CSMD1: variants seen among roughly 807,000 people sequenced by gnomAD.
CSMD1 encodes the protein CUB and sushi domain-containing protein 1.
CSMD1 carries 213 observed loss-of-function variants against 417.5 expected under a neutral mutation model. The ratio of observed to expected loss-of-function variants is 0.51; its 90% CI spans 0.46 to 0.57. CSMD1 has a LOEUF of 0.57. CSMD1 is among the 20% of genes least tolerant of loss of function. CSMD1 has a pLI of 0.00. For synonymous variants in CSMD1, 2,862 were observed against 1,736.8 expected (o/e 1.65, Z -16.11); for missense variants, 6,923 against 4,529.7 (o/e 1.53, Z -15.17).
intron 1 of CSMD1, among the ~76,000 whole-genome samples, chr8:4,754,032 A>C (rs1010760653): frequency 1.3e-5 from 2 of 152,218 alleles, no homozygotes; most frequent in African/African-American, 4.8e-5. Context: ...GAAGGTTGTT[A>C]ACATTGACAT....
At chr8:3,602,782 C>T (rs1801425283) in intron 8 of CSMD1, among the ~76,000 whole-genome samples, 1 of 151,562 alleles carries the variant, frequency 6.6e-6, no homozygotes, top group Admixed American at 6.6e-5. Context: ...TTTTGAAGAG[C>T]ATTTATATTC....
At chr8:4,648,166 G>C (rs780852683) in intron 1 of CSMD1, among the ~76,000 whole-genome samples, 2 of 152,220 alleles carry the variant, frequency 1.3e-5, no homozygotes, top group African/African-American at 4.8e-5. Context: ...CTGATTATCA[G>C]TGATGTTGAG....
At chr8:3,131,015 TC>T (rs1483463323) in intron 41 of CSMD1, among the ~76,000 whole-genome samples, 1 of 152,236 alleles carries the variant, frequency 6.6e-6, no homozygotes, top group Non-Finnish European at 1.5e-5. Flanking sequence ...CTTACGGTCC[TC>T]CAGCGTTCAT....
chr8:3,706,720 A>C (rs1261962667), intron 7 of CSMD1, among the ~76,000 whole-genome samples: 1 of 152,064 alleles, frequency 6.6e-6, no homozygotes, highest in Non-Finnish European at 1.5e-5. Context: ...ATGTGGTTCT[A>C]CATTGAACTT....
intron 5 of CSMD1, among the ~76,000 whole-genome samples, chr8:3,864,024 G>A (rs1391316254): frequency 6.6e-6 from 1 of 152,018 alleles, no homozygotes; most frequent in Non-Finnish European, 1.5e-5. Flanking sequence ...ACAGTAAACA[G>A]GTTTGCAAAT....
chr8:4,012,381 G>A (rs184340540), intron 4 of CSMD1, among the ~76,000 whole-genome samples: 1 of 152,040 alleles, frequency 6.6e-6, no homozygotes, highest in East Asian at 1.9e-4. Context: ...TCATTGCCTT[G>A]TTGATCTCAT....
At chr8:3,522,544 G>C (rs764952098) in intron 10 of CSMD1, among the ~76,000 whole-genome samples, 4 of 152,092 alleles carry the variant, frequency 2.6e-5, no homozygotes, top group African/African-American at 7.2e-5. Context: ...TGAGTTATAA[G>C]TACTTTATGA....
At chr8:4,108,306 T>G (rs910007325) in intron 3 of CSMD1, among the ~76,000 whole-genome samples, 1 of 152,208 alleles carries the variant, frequency 6.6e-6, no homozygotes, top group Non-Finnish European at 1.5e-5. Flanking sequence ...TAAACTCATA[T>G]GACAATTGTA....
chr8:3,564,231 A>G (rs887822395), intron 10 of CSMD1, among the ~76,000 whole-genome samples: 2 of 152,200 alleles, frequency 1.3e-5, no homozygotes, highest in African/African-American at 4.8e-5. Flanking sequence ...ACTATTGAAT[A>G]CTAGAATTTT....
At chr8:4,232,244 G>A (rs1003507535) in intron 3 of CSMD1, among the ~76,000 whole-genome samples, 4 of 151,992 alleles carry the variant, frequency 2.6e-5, no homozygotes, top group Admixed American at 1.3e-4. Flanking sequence ...CAGTCACCAG[G>A]CTGTAGTGCA....
At chr8:4,832,794 C>A (rs950854854) in intron 1 of CSMD1, among the ~76,000 whole-genome samples, 9 of 152,038 alleles carry the variant, frequency 5.9e-5, no homozygotes, top group African/African-American at 2.2e-4. Flanking sequence ...CCCAGAGAGC[C>A]GAGACATTCA....
intron 11 of CSMD1, among the ~76,000 whole-genome samples, chr8:3,489,834 C>A (rs1024451937): frequency 6.6e-6 from 1 of 152,078 alleles, no homozygotes; most frequent in Non-Finnish European, 1.5e-5. Flanking sequence ...TCCATATTTC[C>A]CACAAAATGG....
intron 1 of CSMD1, among the ~76,000 whole-genome samples, chr8:4,976,967 T>C (rs1224667264): frequency 6.6e-6 from 1 of 152,188 alleles, no homozygotes; most frequent in African/African-American, 2.4e-5. Flanking sequence ...TGCTGTTGTC[T>C]TTCTCTCCTA....
At chr8:4,273,568 A>T (rs1302557380) in intron 3 of CSMD1, among the ~76,000 whole-genome samples, 1 of 152,206 alleles carries the variant, frequency 6.6e-6, no homozygotes, top group Non-Finnish European at 1.5e-5. Context: ...ATATATTTTA[A>T]TATAAATATT....
intron 1 of CSMD1, among the ~76,000 whole-genome samples, chr8:4,982,372 GGT>G (rs1810941351): frequency 6.6e-6 from 1 of 152,172 alleles, no homozygotes; most frequent in Non-Finnish European, 1.5e-5. Flanking sequence ...GGTGGCATCT[GGT>G]CCTGCGGAGA....
At chr8:4,817,485 G>A (rs563445873) in intron 1 of CSMD1, among the ~76,000 whole-genome samples, 3 of 152,328 alleles carry the variant, frequency 2.0e-5, no homozygotes, top group South Asian at 2.1e-4. Flanking sequence ...CAAAGGGCAC[G>A]TCCAATGATC....
At chr8:4,947,615 G>A (rs1459615251) in intron 1 of CSMD1, among the ~76,000 whole-genome samples, 1 of 151,998 alleles carries the variant, frequency 6.6e-6, no homozygotes, top group East Asian at 1.9e-4. Context: ...TAAACTTACG[G>A]CATTCTTCTT....
At chr8:3,681,485 A>G (rs1179730700) in intron 7 of CSMD1, among the ~76,000 whole-genome samples, 4 of 152,190 alleles carry the variant, frequency 2.6e-5, no homozygotes, top group African/African-American at 9.7e-5. Flanking sequence ...CTTACAAGGG[A>G]TGTGAAGGAC....
chr8:3,537,716 A>C (rs1024901503), intron 10 of CSMD1, among the ~76,000 whole-genome samples: 3 of 152,246 alleles, frequency 2.0e-5, no homozygotes, highest in Admixed American at 6.5e-5. Flanking sequence ...ATCACTTCAT[A>C]CATTATCAAG....
Sources: allele counts gnomAD v4.1 joint callset (sites outside exome capture counted in the v4.1 genomes callset), GRCh38; gene constraint gnomAD v4.1.1; transcripts MANE v1.5; gene names NCBI Gene and HGNC (gene_info 2026-07-23, HGNC 2026-07-21).